The following SLC17A6 variants were observed in gnomAD, a reference collection of about 807,000 sequenced individuals.
SLC17A6 encodes vesicular glutamate transporter 2.
A neutral mutation model predicts 67.1 loss-of-function variants in SLC17A6; 35 were observed. That is an observed-to-expected ratio of 0.52 (90% CI 0.40 to 0.69). SLC17A6 has a LOEUF of 0.69. Among genes scored for constraint, SLC17A6 ranks in the 30% least tolerant of loss-of-function variants. SLC17A6 has a pLI of 0.00. For missense variants in SLC17A6, 588 were observed against 723.9 expected (o/e 0.81, Z 2.15); for synonymous variants, 285 against 252.3 (o/e 1.13, Z -1.23).
At position 22,378,134 on chromosome 11, in the gene SLC17A6, C is replaced by A; in HGVS notation, c.*394C>A. 5.2e-6 allele frequency: 1 copy of A among 192,548 alleles called. No individual in the cohort carries two copies. The allele number at this position is 192,548 out of a possible 1,614,324, so 11.9% of individuals were successfully genotyped here. On this transcript the variant is annotated 3_prime_UTR_variant, in exon 12 of 12. Coordinates refer to ENST00000263160, the MANE Select transcript of SLC17A6 (RefSeq NM_020346.3). ...CTTATATATTTGTTACACTGTATTG[C>A]AAGATAGCACACAGAAGTTGGCTGC...
At chr11:22,340,084 T>C (rs1855798118) in intron 1 of SLC17A6, among the ~76,000 whole-genome samples, 1 of 152,224 alleles carries the variant, frequency 6.6e-6, no homozygotes, top group Non-Finnish European at 1.5e-5. Flanking sequence ...TTTCTTCGGG[T>C]GGCCTCAAAC....
chr11:22,344,612 G>A (rs1201247202), intron 3 of SLC17A6, among the ~76,000 whole-genome samples: 1 of 152,010 alleles, frequency 6.6e-6, no homozygotes, highest in East Asian at 1.9e-4. Flanking sequence ...CTTGAAATAC[G>A]GATGGCTGAC....
chr11:22,346,794 G>A (rs1855881537), intron 3 of SLC17A6, among the ~76,000 whole-genome samples: 1 of 147,616 alleles, frequency 6.8e-6, no homozygotes, highest in Non-Finnish European at 1.5e-5. Flanking sequence ...CGTGTTTAAT[G>A]GCATAAATAG....
chr11:22,356,444 T>A (rs1352747008), intron 3 of SLC17A6, among the ~76,000 whole-genome samples: 1 of 152,128 alleles, frequency 6.6e-6, no homozygotes, highest in Admixed American at 6.5e-5. Context: ...AATAAGAAGA[T>A]GAGATTTGTA....
At chr11:22,374,628 T>C (rs1856212268) in intron 8 of SLC17A6, 127 bp from the exon 9 acceptor site, 2 of 756,200 alleles carry the variant, frequency 2.6e-6, no homozygotes, top group Non-Finnish European at 2.0e-6. Flanking sequence ...TAAGTGATCA[T>C]TTGGAAAGAT....
chr11:22,369,989 GT>G (rs1204458120), intron 7 of SLC17A6, 49 bp from the exon 8 acceptor site: 1 of 1,566,592 alleles, frequency 6.4e-7, no homozygotes, highest in Non-Finnish European at 8.7e-7. Flanking sequence ...TCCCACTTAG[GT>G]TTGAAAATAT....
At chr11:22,357,221 T>C (rs1472989785) in intron 3 of SLC17A6, among the ~76,000 whole-genome samples, 1 of 152,224 alleles carries the variant, frequency 6.6e-6, no homozygotes, top group Non-Finnish European at 1.5e-5. Flanking sequence ...TTTTAATGGA[T>C]ATATGGTATA....
intron 1 of SLC17A6, among the ~76,000 whole-genome samples, chr11:22,340,901 G>T (rs1449130757): frequency 6.6e-6 from 1 of 152,230 alleles, no homozygotes; most frequent in African/African-American, 2.4e-5. Context: ...CACTAGCCTA[G>T]AGAGGCCTTA....
chr11:22,359,526 A>C lies in SLC17A6; in HGVS notation c.572A>C (p.Glu191Ala). ...GTCAGAATACTGCAGGGACTTGTTGAGGTATGTAACTTCAGGGTGAAGCCT... is the reference window on the plus strand; with the variant it reads ...GTCAGAATACTGCAGGGACTTGTTGCGGTATGTAACTTCAGGGTGAAGCCT... ...IFVRILQGLV[E>A]GVTYPACHGI... The change falls in exon 4 of 12, where the codon GAG becomes GCG. Residue 191 changes from glutamate to alanine, a missense_variant and splice_region_variant. Coordinates refer to ENST00000263160, the MANE Select transcript of SLC17A6 (RefSeq NM_020346.3). 6.4e-7 allele frequency: 1 copy of C among 1,568,318 alleles called. No individual in the cohort carries two copies. Among genetic ancestry groups the C allele is most frequent in the Non-Finnish European group, 8.6e-7 (1 of 1,156,094 alleles).
chr11:22,377,902 C>A lies in SLC17A6; in HGVS notation c.*162C>A. On this transcript the variant is annotated 3_prime_UTR_variant, in exon 12 of 12. Coordinates refer to ENST00000263160, the MANE Select transcript of SLC17A6 (RefSeq NM_020346.3). ...AAACCCATGAGGTTACCATCAAGTG[C>A]AATCTGTAAAATTGTGAAGTTCCAT... The A allele has an allele frequency of 1.7e-6, 1 of 588,000 alleles. No individual in the cohort carries two copies. The highest frequency in any genetic ancestry group is 2.9e-6 in the Non-Finnish European group (1 of 340,090). The allele number at this position is 588,000 out of a possible 1,614,324, so 36.4% of individuals were successfully genotyped here. A position where few individuals can be genotyped will look rare whatever the true frequency, so the allele number is the denominator to read the frequency against.
chr11:22,379,442 C>T lies in SLC17A6; in HGVS notation c.*1702C>T, dbSNP rs374141308. The T allele has an allele frequency of 2.0e-5, 3 of 152,470 alleles. No homozygotes were observed. Among genetic ancestry groups the T allele is most frequent in the African/African-American group, 7.2e-5 (3 of 41,496 alleles). The allele number at this position is 152,470 out of a possible 1,614,324, so 9.4% of individuals were successfully genotyped here. A position where few individuals can be genotyped will look rare whatever the true frequency, so the allele number is the denominator to read the frequency against. On this transcript the variant is annotated 3_prime_UTR_variant, in exon 12 of 12. Transcript: ENST00000263160. ...GTTGTGTTGAATGAAAATATGTGGA[C>T]TGTCATTTTGTTGCAGCAAAAAAGT...
At chr11:22,368,775 T>C (rs1195132476) in intron 7 of SLC17A6, among the ~76,000 whole-genome samples, 2 of 152,088 alleles carry the variant, frequency 1.3e-5, no homozygotes, top group Non-Finnish European at 2.9e-5. Context: ...TCCCAGAACA[T>C]ATTGATTTCT....
rs372874568 is a variant in SLC17A6 at position 22,360,790 on chromosome 11, A to T, written c.574-107A>T. 4.7e-6 allele frequency: 4 copies of T among 853,604 alleles called. No individual in the cohort carries two copies. The South Asian group carries it at 8.0e-5, about 17-fold the overall frequency. The allele number at this position is 853,604 out of a possible 1,614,324, so 52.9% of individuals were successfully genotyped here. On this transcript the variant is annotated intron_variant, in intron 4 of 11. Transcript: ENST00000263160. Reference sequence around the variant, plus strand: ...CTTTTACCTTAATCAGAAAAAAAGAAAATTGAGGTGGAAGGAAGTCTGAAG... The same window carrying T: ...CTTTTACCTTAATCAGAAAAAAAGATAATTGAGGTGGAAGGAAGTCTGAAG...
Position 22,359,514 on chromosome 11 carries a change from A to G in SLC17A6, c.560A>G (p.Gln187Arg). Residue 187 changes from glutamine to arginine, a missense_variant, in exon 4 of 12, where the codon CAG (glutamine) becomes CGG (arginine). By Grantham distance (43) the Gln-to-Arg change is conservative (BLOSUM62 1). This residue lies in a region of SLC17A6 where 414 missense variants were observed against 563.4 expected (regional missense o/e 0.73). Transcript: ENST00000263160. Reference protein sequence around the residue: ...YGCVIFVRILQGLVEGVTYPA... With the variant: ...YGCVIFVRILRGLVEGVTYPA... ...TGTGTCATCTTTGTCAGAATACTGC[A>G]GGGACTTGTTGAGGTATGTAACTTC... 1 of 1,593,018 alleles carries G rather than the reference A, an allele frequency of 6.3e-7. No individual in the cohort carries two copies. Among genetic ancestry groups the G allele is most frequent in the Non-Finnish European group, 8.6e-7 (1 of 1,169,072 alleles).
At chr11:22,369,595 A>T (rs1034166728) in intron 7 of SLC17A6, among the ~76,000 whole-genome samples, 1 of 151,956 alleles carries the variant, frequency 6.6e-6, no homozygotes, top group Non-Finnish European at 1.5e-5. Flanking sequence ...AAGATTTTGT[A>T]TCTTTCTTTT....
In SLC17A6 at chr11:22,360,967, C is replaced by T. The variant is rs749951315; in HGVS notation, c.644C>T (p.Ala215Val). 1 of 1,613,934 alleles carries T rather than the reference C, an allele frequency of 6.2e-7. No homozygotes were observed. Among genetic ancestry groups the T allele is most frequent in the South Asian group, 1.1e-5 (1 of 91,064 alleles). Residue 215 changes from alanine (A) to valine (V), a missense_variant, in exon 5 of 12, where the codon GCA (alanine) becomes GTA (valine). Ala to Val is a moderately conservative substitution (Grantham distance 64). Coordinates refer to ENST00000263160, the MANE Select transcript of SLC17A6 (RefSeq NM_020346.3). Reference protein sequence around the residue: ...WAPPLERSRLATTSFCGSYAG... With the variant: ...WAPPLERSRLVTTSFCGSYAG... ...CCACCTCTAGAGAGGAGTAGACTGGCAACCACCTCCTTTTGTGGTGAGTAC... is the reference window on the plus strand; with the variant it reads ...CCACCTCTAGAGAGGAGTAGACTGGTAACCACCTCCTTTTGTGGTGAGTAC...
At chr11:22,346,713 A>T (rs569748494) in intron 3 of SLC17A6, among the ~76,000 whole-genome samples, 1 of 151,674 alleles carries the variant, frequency 6.6e-6, no homozygotes, top group Admixed American at 6.6e-5. Context: ...AGTAATCCAG[A>T]TATTTACAAA....
chr11:22,373,199 A>T (rs1455108509), intron 8 of SLC17A6, among the ~76,000 whole-genome samples: 2 of 152,192 alleles, frequency 1.3e-5, no homozygotes, highest in Non-Finnish European at 2.9e-5. Context: ...AACTTTTCAG[A>T]TGTATTAAAT....
At chr11:22,343,093 A>C in intron 2 of SLC17A6, 154 bp from the exon 3 acceptor site, 2 of 730,210 alleles carry the variant, frequency 2.7e-6, no homozygotes, top group Non-Finnish European at 4.8e-6. Flanking sequence ...GCAAGAGGCA[A>C]TTTTGTTAGG....
Sources: gnomAD v4.1 joint callset for allele counts (sites outside exome capture counted in the v4.1 genomes callset) on GRCh38, gnomAD v4.1.1 for gene constraint, gnomAD v4.1.1 regional missense constraint, MANE v1.5 for transcripts, NCBI Gene and HGNC (gene_info 2026-07-23, HGNC 2026-07-21) for gene names.